Variants in GPATCH2 observed in about 807,000 individuals in gnomAD.
GPATCH2 encodes G patch domain-containing protein 2.
GPATCH2 carries 51 observed loss-of-function variants against 58.0 expected under a neutral mutation model. That is an observed-to-expected ratio of 0.88 (90% CI 0.70 to 1.11). The LOEUF (loss-of-function observed/expected upper bound fraction) is 1.11, where lower values mean the gene tolerates loss of function less well. Among genes scored for constraint, GPATCH2 ranks in the 50% most tolerant of loss-of-function variants. The pLI, the probability that GPATCH2 is intolerant of heterozygous loss-of-function variation, is 0.00. For missense variants in GPATCH2, 625 were observed against 652.2 expected, an observed-to-expected ratio of 0.96 and a Z score of 0.45; for synonymous variants, 222 against 218.5, an observed-to-expected ratio of 1.02 and a Z score of -0.14.
intron 5 of GPATCH2, among the ~76,000 whole-genome samples, chr1:217,598,929 C>T (rs566435555): frequency 4.6e-5 from 7 of 152,004 alleles, no homozygotes; most frequent in African/African-American, 1.7e-4. Flanking sequence ...GTGGCAGAGA[C>T]AGAAGATATA....
intron 8 of GPATCH2, among the ~76,000 whole-genome samples, chr1:217,465,736 C>T (rs1029894254): frequency 2.6e-5 from 4 of 152,244 alleles, no homozygotes; most frequent in Admixed American, 2.0e-4. Flanking sequence ...CTCTTTCTTC[C>T]CAGTCTTGGG....
In GPATCH2 at chr1:217,514,934, A is replaced by C; in HGVS notation, c.1099-45T>G. On this transcript the variant is annotated intron_variant, in intron 5 of 9. Coordinates refer to ENST00000366935, the MANE Select transcript of GPATCH2 (RefSeq NM_018040.5). ...GAAAAAATAAATTTCAGATTTGTTT[A>C]TAAAACGACCATGGATAATAGTGAT... 5 of 893,918 alleles carry C rather than the reference A, an allele frequency of 5.6e-6. No homozygotes were observed. In the South Asian group the frequency reaches 6.9e-5, roughly 12 times the overall value. The allele number at this position is 893,918 out of a possible 1,614,324, so 55.4% of individuals were successfully genotyped here.
chr1:217,536,834 G>A (rs554363573), intron 5 of GPATCH2, among the ~76,000 whole-genome samples: 116 of 152,160 alleles, frequency 7.6e-4, no homozygotes, highest in African/African-American at 2.3e-3. Flanking sequence ...AAAATTAGCC[G>A]GGCGTGGTGG....
chr1:217,434,215 G>C (rs1014074803), intron 9 of GPATCH2, among the ~76,000 whole-genome samples: 4 of 152,100 alleles, frequency 2.6e-5, no homozygotes, highest in African/African-American at 7.2e-5. Context: ...TAAAATTATT[G>C]ACCACTTGAG....
intron 1 of GPATCH2, among the ~76,000 whole-genome samples, chr1:217,630,352 A>G (rs534329428): frequency 6.6e-6 from 1 of 152,194 alleles, no homozygotes; most frequent in Non-Finnish European, 1.5e-5. Context: ...TCAAGCCCCA[A>G]ACTTAATCCT....
At chr1:217,466,201 A>C (rs1220860082) in intron 8 of GPATCH2, among the ~76,000 whole-genome samples, 1 of 152,204 alleles carries the variant, frequency 6.6e-6, no homozygotes, top group South Asian at 2.1e-4. Flanking sequence ...GCATTGACTT[A>C]AGATTTTGTG....
intron 5 of GPATCH2, among the ~76,000 whole-genome samples, chr1:217,598,735 G>C (rs565210298): frequency 1.3e-5 from 2 of 152,286 alleles, no homozygotes; most frequent in Admixed American, 6.5e-5. Flanking sequence ...AAAGTGCTGG[G>C]ATTACAGGCG....
rs188599261 is a variant in GPATCH2, at chr1:217,523,428, G to A, written c.1099-8539C>T. Among the ~76,000 whole-genome samples, 624 of 151,696 alleles carry A rather than the reference G, an allele frequency of 4.1e-3. 22 individuals carry two copies. The highest frequency in any genetic ancestry group is 0.014 in the African/African-American group (594 of 41,032). The stretch of plus-strand genomic sequence containing the variant: ...TGTTTAACAAGGCACAACTTGCACC[G>A]CCCTTAATCCATTTAACCCTGAGTG... On this transcript the variant is annotated intron_variant, in intron 5 of 9. Transcript: ENST00000366935.
chr1:217,447,320 T>C (rs1039372138), intron 9 of GPATCH2, among the ~76,000 whole-genome samples: 1 of 152,240 alleles, frequency 6.6e-6, no homozygotes, highest in Non-Finnish European at 1.5e-5. Context: ...TATATATATG[T>C]AATGTGCATA....
chr1:217,588,689 C>T (rs1329019531), intron 5 of GPATCH2, among the ~76,000 whole-genome samples: 1 of 152,136 alleles, frequency 6.6e-6, no homozygotes, highest in Non-Finnish European at 1.5e-5. Context: ...TCAGTATCAT[C>T]ATTCATGCAA....
chr1:217,498,268 C>T, intron 7 of GPATCH2, 88 bp downstream of exon 7: 1 of 1,005,572 alleles, frequency 9.9e-7, no homozygotes, highest in Non-Finnish European at 1.6e-6. Flanking sequence ...TATTTTTTCT[C>T]ATAAAGCTGA....
chr1:217,469,359 G>T (rs1189646535), intron 8 of GPATCH2, among the ~76,000 whole-genome samples: 2 of 151,964 alleles, frequency 1.3e-5, no homozygotes, highest in Admixed American at 1.3e-4. Context: ...AATATAATTG[G>T]GCATGAGTTG....
At chr1:217,437,659 G>A (rs1359154727) in intron 9 of GPATCH2, among the ~76,000 whole-genome samples, 2 of 152,234 alleles carry the variant, frequency 1.3e-5, no homozygotes, top group Non-Finnish European at 2.9e-5. Context: ...CAGTAAAGCT[G>A]CTGTAGCCAG....
At position 217,478,526 on chromosome 1, in the gene GPATCH2, T is replaced by C. The variant is rs1044193208; in HGVS notation, c.1277+13154A>G. The stretch of plus-strand genomic sequence containing the variant: ...AAAGGATCAGTCTTTAAAAGCAGAA[T>C]AGATCAAGCTGAAGAAAAATTAGTG... On this transcript the variant is annotated intron_variant, in intron 8 of 9. Coordinates refer to ENST00000366935, the MANE Select transcript of GPATCH2 (RefSeq NM_018040.5). 7.2e-5 allele frequency among the ~76,000 whole-genome samples: 11 copies of C among 152,124 alleles called. No homozygotes were observed. In the East Asian group the frequency reaches 1.5e-3, roughly 21 times the overall value.
rs545891414 is a variant in GPATCH2, at chr1:217,442,876, T to C, written c.1366+6373A>G. Among the ~76,000 whole-genome samples the C allele has an allele frequency of 5.3e-4, 81 of 152,312 alleles. 1 individual carries two copies. The South Asian group carries it at 6.8e-3, about 13-fold the overall frequency. On this transcript the variant is annotated intron_variant, in intron 9 of 9. Coordinates refer to ENST00000366935, the MANE Select transcript of GPATCH2 (RefSeq NM_018040.5). ...ACCTAGATTTATTTTTACTATATTA[T>C]ATAATGCTACTAGCTTTGCTTTTTC...
chr1:217,605,636 G>A (rs375458254), intron 5 of GPATCH2, among the ~76,000 whole-genome samples: 8 of 152,202 alleles, frequency 5.3e-5, no homozygotes, highest in African/African-American at 1.7e-4. Context: ...ATTTGAATGC[G>A]GATTTTCAGT....
chr1:217,452,857 G>A (rs2102474439), intron 8 of GPATCH2, among the ~76,000 whole-genome samples: 1 of 152,216 alleles, frequency 6.6e-6, no homozygotes, highest in Non-Finnish European at 1.5e-5. Context: ...TGAGCCATAA[G>A]AAAAACAGCT....
chr1:217,466,228 T>C (rs1442553086), intron 8 of GPATCH2, among the ~76,000 whole-genome samples: 1 of 151,802 alleles, frequency 6.6e-6, no homozygotes, highest in Non-Finnish European at 1.5e-5. Flanking sequence ...ATTAAAAATA[T>C]ATTTACGTAT....
At chr1:217,620,553 C>T (rs994272333) in intron 1 of GPATCH2, 54 bp from the exon 2 acceptor site, 1 of 1,001,054 alleles carries the variant, frequency 1.0e-6, no homozygotes, top group African/African-American at 1.6e-5. Context: ...CCACAGTAAC[C>T]TCATTTTCTA....
Sources: allele counts gnomAD v4.1 joint callset (sites outside exome capture counted in the v4.1 genomes callset), GRCh38; gene constraint gnomAD v4.1.1; transcripts MANE v1.5; gene names NCBI Gene and HGNC (gene_info 2026-07-23, HGNC 2026-07-21).